Variants in CCDC60 observed in about 807,000 individuals in gnomAD.
CCDC60 encodes the protein coiled-coil domain-containing protein 60.
CCDC60 carries 54 observed loss-of-function variants against 63.5 expected under a neutral mutation model. The ratio of observed to expected loss-of-function variants is 0.85; its 90% CI spans 0.68 to 1.07. The LOEUF (loss-of-function observed/expected upper bound fraction) is 1.07, where lower values mean the gene tolerates loss of function less well. Ranked by LOEUF, CCDC60 falls within the 50% of genes least tolerant of loss-of-function variation. CCDC60 has a pLI of 0.00. For missense variants in CCDC60, 651 were observed against 684.3 expected, an observed-to-expected ratio of 0.95 and a Z score of 0.54; for synonymous variants, 206 against 238.8, an observed-to-expected ratio of 0.86 and a Z score of 1.27.
At chr12:119,363,548 A>G (rs188743094) in intron 1 of CCDC60, among the ~76,000 whole-genome samples, 1 of 152,198 alleles carries the variant, frequency 6.6e-6, no homozygotes, top group East Asian at 1.9e-4. Context: ...TTATAGTTGG[A>G]GCTTTTTTTC....
chr12:119,350,757 C>A (rs949243368), intron 1 of CCDC60, among the ~76,000 whole-genome samples: 6 of 152,086 alleles, frequency 3.9e-5, no homozygotes, highest in Non-Finnish European at 8.8e-5. Flanking sequence ...GCTGTGCACT[C>A]CCCTCAGATC....
rs1156441368 is a variant in CCDC60, at chr12:119,410,512, A to G, written c.91-18171A>G. ...TCTCAACAGCATTACCAGCTTCAGGAATGTTCTCTCCTGCCTCGTGACATC... is the reference window on the plus strand; with the variant it reads ...TCTCAACAGCATTACCAGCTTCAGGGATGTTCTCTCCTGCCTCGTGACATC... On this transcript the variant is annotated intron_variant, in intron 1 of 13. Transcript: ENST00000327554. This position sits in a 1 kb window ranked among gnomAD's most constrained non-coding sequence, Gnocchi z 4.0. 6.6e-6 allele frequency among the ~76,000 whole-genome samples: 1 copy of G among 152,056 alleles called. No individual in the cohort carries two copies. The highest frequency in any genetic ancestry group is 2.4e-5 in the African/African-American group (1 of 41,388).
intron 1 of CCDC60, among the ~76,000 whole-genome samples, chr12:119,350,908 T>C (rs906002848): frequency 4.6e-5 from 7 of 152,154 alleles, no homozygotes; most frequent in Non-Finnish European, 1.0e-4. Context: ...CACACACCCC[T>C]GACATACCAC....
At chr12:119,341,269 C>T (rs756029184) in intron 1 of CCDC60, among the ~76,000 whole-genome samples, 1 of 151,220 alleles carries the variant, frequency 6.6e-6, no homozygotes, top group African/African-American at 2.4e-5. Flanking sequence ...ACGAGAAGAG[C>T]GATCGGCACT....
intron 2 of CCDC60, among the ~76,000 whole-genome samples, chr12:119,452,705 A>T (rs1261327874): frequency 1.3e-5 from 2 of 152,124 alleles, no homozygotes; most frequent in Admixed American, 1.3e-4. Context: ...GATGGTGGAG[A>T]TGGTAGTAGT....
Position 119,428,756 on chromosome 12 carries a change from G to T in CCDC60, c.164G>T (p.Arg55Leu). The stretch of plus-strand genomic sequence containing the variant: ...ATAAACCTCAAAAAGGACCTTATAC[G>T]AAGCCGGTGAGTGAGCCCAGCAGGG... ...EIINLKKDLI[R>L]SRFLIQSVKI... is the part of the protein sequence containing the mutation. The change falls in exon 2 of 14, where the codon CGA becomes CTA. Residue 55 changes from arginine to leucine, a missense_variant. Transcript: ENST00000327554. 2 of 1,591,166 alleles carry T rather than the reference G, an allele frequency of 1.3e-6. No individual in the cohort carries two copies. The highest frequency in any genetic ancestry group is 1.7e-6 in the Non-Finnish European group (2 of 1,164,268).
At chr12:119,499,394 C>A (rs1160258061) in intron 5 of CCDC60, among the ~76,000 whole-genome samples, 1 of 152,096 alleles carries the variant, frequency 6.6e-6, no homozygotes, top group East Asian at 1.9e-4. Context: ...GAAGAGGGAC[C>A]CACACTAGTG....
rs869080467 is a variant in CCDC60, at chr12:119,487,297, CTT to C, written c.450-1447_450-1446del. ...ATATTACCTAAAGGATTGTTGTGAG[CTT>C]TTTTTTTTTTTTTTCCGAGATGAAG... On this transcript the variant is annotated intron_variant, in intron 4 of 13. Transcript: ENST00000327554. Among the ~76,000 whole-genome samples the C allele has an allele frequency of 3.1e-3, 428 of 139,782 alleles. 1 individual carries two copies. Among genetic ancestry groups the C allele is most frequent in the African/African-American group, 0.011 (403 of 38,310 alleles). 91.7% of individuals were successfully genotyped at this position (139,782 alleles called of 152,430 possible). A position where few individuals can be genotyped will look rare whatever the true frequency, so the allele number is the denominator to read the frequency against.
chr12:119,532,793 A>G (rs781726236), intron 13 of CCDC60, among the ~76,000 whole-genome samples: 12 of 152,200 alleles, frequency 7.9e-5, no homozygotes, highest in Non-Finnish European at 1.8e-4. Flanking sequence ...TATATGTGCA[A>G]CATTTTCTTT....
intron 7 of CCDC60, 134 bp from the exon 8 acceptor site, chr12:119,516,489 C>A: frequency 1.6e-6 from 1 of 620,124 alleles, no homozygotes. Context: ...TTCTGGACCC[C>A]AGTGGAATCT....
chr12:119,425,152 T>C (rs1015855564), intron 1 of CCDC60, among the ~76,000 whole-genome samples: 2 of 152,228 alleles, frequency 1.3e-5, no homozygotes, highest in Non-Finnish European at 2.9e-5. Context: ...TCAAATTATC[T>C]GGCAGGAAAA....
At chr12:119,405,356 T>C (rs751600230) in intron 1 of CCDC60, among the ~76,000 whole-genome samples, 4 of 152,228 alleles carry the variant, frequency 2.6e-5, no homozygotes, top group Admixed American at 6.5e-5. Flanking sequence ...TTTCCTGAGG[T>C]TGCTAACTCT....
intron 5 of CCDC60, among the ~76,000 whole-genome samples, chr12:119,499,593 A>G (rs1054877514): frequency 6.6e-6 from 1 of 152,092 alleles, no homozygotes; most frequent in Non-Finnish European, 1.5e-5. Flanking sequence ...TGCCCAGTCA[A>G]CCTCCAATCA....
At chr12:119,527,306 AT>A (rs1377978656) in intron 11 of CCDC60, among the ~76,000 whole-genome samples, 3 of 152,144 alleles carry the variant, frequency 2.0e-5, no homozygotes, top group African/African-American at 7.2e-5. Flanking sequence ...AAAAATAACT[AT>A]TGGGTACAGA....
chr12:119,484,885 C>T (rs752977855), intron 4 of CCDC60, among the ~76,000 whole-genome samples: 106 of 152,128 alleles, frequency 7.0e-4, no homozygotes, highest in Non-Finnish European at 1.3e-3. Context: ...TGTAGGCTCA[C>T]GGTCTGGAAA....
intron 1 of CCDC60, among the ~76,000 whole-genome samples, chr12:119,386,703 A>G (rs772570896): frequency 1.1e-4 from 16 of 152,178 alleles, no homozygotes; most frequent in African/African-American, 3.9e-4. Flanking sequence ...AGAGAAAACA[A>G]TGATTTAATG....
chr12:119,384,440 C>T (rs1265409160), intron 1 of CCDC60, among the ~76,000 whole-genome samples: 2 of 152,188 alleles, frequency 1.3e-5, no homozygotes, highest in African/African-American at 4.8e-5. Flanking sequence ...CATTTTCCAT[C>T]CCTCTGTCGA....
chr12:119,426,136 T>A (rs1956895544), intron 1 of CCDC60, among the ~76,000 whole-genome samples: 1 of 152,126 alleles, frequency 6.6e-6, no homozygotes, highest in South Asian at 2.1e-4. Flanking sequence ...GGGTCTGCCA[T>A]CAATTTCCAG....
intron 1 of CCDC60, among the ~76,000 whole-genome samples, chr12:119,376,611 G>C (rs1734437073): frequency 6.6e-6 from 1 of 152,142 alleles, no homozygotes; most frequent in South Asian, 2.1e-4. Flanking sequence ...CTGGGCAACA[G>C]AGTAAGACTT....
Sources: allele counts gnomAD v4.1 joint callset (sites outside exome capture counted in the v4.1 genomes callset), GRCh38; gene constraint gnomAD v4.1.1; non-coding constraint Gnocchi (gnomAD v3.1); transcripts MANE v1.5; gene names NCBI Gene and HGNC (gene_info 2026-07-23, HGNC 2026-07-21).